The following TAOK3 variants were observed in gnomAD, a reference collection of about 807,000 sequenced individuals.
TAOK3 encodes the protein TAO kinase 3, also known as serine/threonine-protein kinase TAO3.
TAOK3 carries 40 observed loss-of-function variants against 120.4 expected under a neutral mutation model. That is an observed-to-expected ratio of 0.33 (90% CI 0.26 to 0.43). TAOK3 has a LOEUF of 0.43. TAOK3 is among the 20% of genes least tolerant of loss of function. The pLI, the probability that TAOK3 is intolerant of heterozygous loss-of-function variation, is 1.00. For missense variants in TAOK3, 821 were observed against 1,112.1 expected (o/e 0.74, Z 3.72); for synonymous variants, 355 against 387.5 (o/e 0.92, Z 0.99).
chr12:118,328,945 A>G (rs574404839), intron 1 of TAOK3, among the ~76,000 whole-genome samples: 1 of 152,224 alleles, frequency 6.6e-6, no homozygotes, highest in South Asian at 2.1e-4. Flanking sequence ...CATGACAGGT[A>G]GCAAAGATAT....
intron 3 of TAOK3, among the ~76,000 whole-genome samples, chr12:118,252,330 T>C (rs1214595624): frequency 2.0e-5 from 3 of 152,150 alleles, no homozygotes; most frequent in Non-Finnish European, 4.4e-5. Flanking sequence ...CCAATTTACA[T>C]TTTTAGGAGT....
intron 3 of TAOK3, 97 bp downstream of exon 3, chr12:118,255,347 CCTTG>C: frequency 7.6e-7 from 1 of 1,313,452 alleles, no homozygotes; most frequent in East Asian, 2.4e-5. Flanking sequence ...CCCACCTTGG[CCTTG>C]CAAAGTGCTA....
At chr12:118,327,273 A>G (rs571662318) in intron 1 of TAOK3, among the ~76,000 whole-genome samples, 1 of 152,336 alleles carries the variant, frequency 6.6e-6, no homozygotes, top group East Asian at 1.9e-4. Context: ...AACTCCCACA[A>G]GAATCCCAAG....
chr12:118,367,039 C>A lies in TAOK3; in HGVS notation c.-194+5609G>T, dbSNP rs79937509. Reference sequence around the variant, plus strand: ...CACCACTGAAGTCTAGCCTGGGCGACAGAGTAAGGCTGTCTCGAAAACAAC... The same window carrying A: ...CACCACTGAAGTCTAGCCTGGGCGAAAGAGTAAGGCTGTCTCGAAAACAAC... On this transcript the variant is annotated intron_variant, in intron 1 of 20. Coordinates refer to ENST00000392533, the MANE Select transcript of TAOK3 (RefSeq NM_016281.4). Among the ~76,000 whole-genome samples, 5 of 152,300 alleles carry A rather than the reference C, an allele frequency of 3.3e-5. No individual in the cohort carries two copies. In the East Asian group the frequency reaches 9.6e-4, roughly 29 times the overall value.
intron 11 of TAOK3, among the ~76,000 whole-genome samples, chr12:118,202,234 A>G (rs1411787211): frequency 6.6e-6 from 1 of 151,164 alleles, no homozygotes; most frequent in Admixed American, 6.6e-5. Context: ...TCTATATCAC[A>G]TATACCATAA....
chr12:118,215,690 C>T (rs1036237546), intron 9 of TAOK3, among the ~76,000 whole-genome samples: 2 of 152,156 alleles, frequency 1.3e-5, no homozygotes, highest in African/African-American at 4.8e-5. Context: ...GTCCATCCCA[C>T]TCTAAAGAGA....
chr12:118,225,394 A>C (rs1311457417), intron 9 of TAOK3, among the ~76,000 whole-genome samples: 3 of 94,704 alleles, frequency 3.2e-5, no homozygotes, highest in Non-Finnish European at 6.8e-5. Context: ...TCTTGCATGT[A>C]AAAAAAAAAA....
intron 9 of TAOK3, among the ~76,000 whole-genome samples, chr12:118,214,335 T>C (rs1207033630): frequency 6.6e-6 from 1 of 152,184 alleles, no homozygotes; most frequent in Non-Finnish European, 1.5e-5. Context: ...AGAACTCATT[T>C]CAAAAGAGTG....
intron 1 of TAOK3, chr12:118,358,784 C>A (rs1271342663): frequency 6.6e-6 from 1 of 152,150 alleles, no homozygotes; most frequent in South Asian, 2.1e-4. Context: ...TTACTCTCAG[C>A]TGGACTTTGA....
chr12:118,290,616 A>G (rs1173237367), intron 1 of TAOK3, among the ~76,000 whole-genome samples: 2 of 152,210 alleles, frequency 1.3e-5, no homozygotes, highest in Admixed American at 1.3e-4. Context: ...CCCAGGCTAG[A>G]GTACAGTGGC....
At chr12:118,267,214 A>AT (rs2041488231) in intron 1 of TAOK3, among the ~76,000 whole-genome samples, 1 of 151,896 alleles carries the variant, frequency 6.6e-6, no homozygotes, top group Non-Finnish European at 1.5e-5. Context: ...GGTGATGATT[A>AT]TTATTTATTT....
At chr12:118,237,983 C>A in intron 7 of TAOK3, 90 bp downstream of exon 7, 1 of 824,340 alleles carries the variant, frequency 1.2e-6, no homozygotes, top group Non-Finnish European at 1.9e-6. Flanking sequence ...GCTTAGGCAA[C>A]CTAAAAATTG....
At chr12:118,366,954 G>A (rs1355663353) in intron 1 of TAOK3, among the ~76,000 whole-genome samples, 1 of 152,150 alleles carries the variant, frequency 6.6e-6, no homozygotes, top group Non-Finnish European at 1.5e-5. Flanking sequence ...GCTGGGTGAC[G>A]TGGTGGGTGC....
At position 118,214,017 on chromosome 12, in the gene TAOK3, C is replaced by A; in HGVS notation, c.737G>T (p.Trp246Leu). The stretch of plus-strand genomic sequence containing the variant: ...ATTTAAAATGATAGCAGAGTCTTAC[C>A]ATTCATTAGACTGTAACGTTGGGGA... ...NDSPTLQSNEWTDSFRRFVDY... is the reference protein window; with the variant it reads ...NDSPTLQSNELTDSFRRFVDY... The change falls in exon 10 of 21, where the codon TGG becomes TTG. Residue 246 changes from tryptophan to leucine, a missense_variant and splice_region_variant. Physicochemically the swap from Trp to Leu is moderately conservative, Grantham distance 61. Coordinates refer to ENST00000392533, the MANE Select transcript of TAOK3 (RefSeq NM_016281.4). The A allele has an allele frequency of 6.2e-7, 1 of 1,605,336 alleles. No individual in the cohort carries two copies. Among genetic ancestry groups the A allele is most frequent in the Non-Finnish European group, 8.5e-7 (1 of 1,173,596 alleles).
At chr12:118,230,086 GCTT>G (rs2039695945) in intron 9 of TAOK3, among the ~76,000 whole-genome samples, 1 of 152,120 alleles carries the variant, frequency 6.6e-6, no homozygotes, top group Non-Finnish European at 1.5e-5. Context: ...GCATTGGGGG[GCTT>G]CTTCTAAATG....
intron 1 of TAOK3, among the ~76,000 whole-genome samples, chr12:118,321,876 T>G (rs2043721139): frequency 6.6e-6 from 1 of 152,038 alleles, no homozygotes; most frequent in Non-Finnish European, 1.5e-5. Flanking sequence ...CAGGCTGTAG[T>G]GCAGCCTGGA....
intron 1 of TAOK3, among the ~76,000 whole-genome samples, chr12:118,333,716 T>C (rs2044245222): frequency 6.6e-6 from 1 of 150,692 alleles, no homozygotes; most frequent in Non-Finnish European, 1.5e-5. Context: ...AAAAAATCAA[T>C]AAAATTTGTA....
rs1215882712 is a variant in TAOK3, at chr12:118,150,068, A to C, written c.*929T>G. The stretch of plus-strand genomic sequence containing the variant: ...TGATCTGATTGAGAGACAGTGTTGA[A>C]CTCCAAATACTGAACTGGAAAAGGA... On this transcript the variant is annotated 3_prime_UTR_variant, in exon 21 of 21. Coordinates refer to ENST00000392533, the MANE Select transcript of TAOK3 (RefSeq NM_016281.4). 1 of 152,536 alleles carries C rather than the reference A, an allele frequency of 6.6e-6. No homozygotes were observed. Among genetic ancestry groups the C allele is most frequent in the South Asian group, 2.1e-4 (1 of 4,822 alleles). The allele number at this position is 152,536 out of a possible 1,614,324, so 9.4% of individuals were successfully genotyped here.
At chr12:118,224,249 A>G (rs1020747212) in intron 9 of TAOK3, among the ~76,000 whole-genome samples, 5 of 152,230 alleles carry the variant, frequency 3.3e-5, no homozygotes, top group South Asian at 2.1e-4. Flanking sequence ...TATCTCTTCA[A>G]TAACTCTGTA....
Sources: gnomAD v4.1 joint callset for allele counts (sites outside exome capture counted in the v4.1 genomes callset) on GRCh38, gnomAD v4.1.1 for gene constraint, MANE v1.5 for transcripts, NCBI Gene and HGNC (gene_info 2026-07-23, HGNC 2026-07-21) for gene names.